ULK4: variants seen among roughly 807,000 people sequenced by gnomAD.
ULK4 encodes the protein unc-51 like kinase 4.
In ULK4, 133 loss-of-function variants were observed where a neutral mutation model predicts 160.6. That is an observed-to-expected ratio of 0.83 (90% CI 0.72 to 0.96). The LOEUF is 0.96. Among genes scored for constraint, ULK4 ranks in the 40% least tolerant of loss-of-function variants. The probability of loss-of-function intolerance (pLI) is 0.00; values close to 1 mark genes in which losing one functional copy is unlikely to be tolerated. For missense variants in ULK4, 1,580 were observed against 1,499.5 expected (o/e 1.05, Z -0.89); for synonymous variants, 534 against 539.8 (o/e 0.99, Z 0.15).
chr3:41,705,297 AAT>A lies in ULK4; in HGVS notation c.2641_2642del (p.Ile881Ter), dbSNP rs766870589. 2 of 1,609,194 alleles carry A rather than the reference AAT, an allele frequency of 1.2e-6. No homozygotes were observed. The highest frequency in any genetic ancestry group is 1.1e-5 in the South Asian group (1 of 89,268). On this transcript the variant is annotated frameshift_variant, in exon 26 of 37. Transcript: ENST00000301831. LOFTEE classifies it high-confidence loss of function. ...TCGTTTCTCCTGAGTCTACAGATTT[AAT>A]ATGACTCTGAAAAAAAATAAATTTT... is the stretch of plus-strand genomic sequence containing the variant. ...LFSYGTILSH[I>X]KSVDSGETNI...
At chr3:41,366,456 A>G (rs1489389405) in intron 35 of ULK4, among the ~76,000 whole-genome samples, 1 of 152,088 alleles carries the variant, frequency 6.6e-6, no homozygotes, top group Non-Finnish European at 1.5e-5. Flanking sequence ...ATACAATTAT[A>G]TTTATTTGAT....
intron 32 of ULK4, among the ~76,000 whole-genome samples, chr3:41,464,906 A>T (rs569572742): frequency 6.6e-6 from 1 of 152,202 alleles, no homozygotes. Context: ...AACTTCATTC[A>T]GTCTTCAAGG....
At chr3:41,381,414 C>T (rs1357577969) in intron 35 of ULK4, among the ~76,000 whole-genome samples, 1 of 152,166 alleles carries the variant, frequency 6.6e-6, no homozygotes, top group Non-Finnish European at 1.5e-5. Context: ...CAACTGCTAG[C>T]TTGCCATTTC....
At chr3:41,274,783 T>C (rs1000358800) in intron 35 of ULK4, among the ~76,000 whole-genome samples, 1 of 152,224 alleles carries the variant, frequency 6.6e-6, no homozygotes, top group South Asian at 2.1e-4. Flanking sequence ...GTGTTCCAAT[T>C]TGATATTGCT....
chr3:41,698,039 T>C (rs1354846917), intron 27 of ULK4, among the ~76,000 whole-genome samples: 2 of 152,202 alleles, frequency 1.3e-5, no homozygotes, highest in African/African-American at 4.8e-5. Flanking sequence ...ACCTACAATA[T>C]TCAGTGCAGT....
At chr3:41,804,055 T>A (rs6793567) in intron 19 of ULK4, among the ~76,000 whole-genome samples, 18,461 of 151,372 alleles carry the variant, frequency 0.12, 1,304 homozygotes, top group Middle Eastern at 0.26. Context: ...GCTCAGGAAT[T>A]GCCACACTGA....
At chr3:41,690,126 T>C (rs9883251) in intron 27 of ULK4, among the ~76,000 whole-genome samples, 7,373 of 145,680 alleles carry the variant, frequency 0.051, 322 homozygotes, top group African/African-American at 0.12. Context: ...AAATGATGAG[T>C]TCATGTCCTT....
At chr3:41,851,000 T>C (rs1460898559) in intron 17 of ULK4, among the ~76,000 whole-genome samples, 1 of 152,190 alleles carries the variant, frequency 6.6e-6, no homozygotes, top group African/African-American at 2.4e-5. Flanking sequence ...GTTTTCTAGA[T>C]ATACAATCAT....
intron 29 of ULK4, among the ~76,000 whole-genome samples, chr3:41,665,331 G>T (rs527939793): frequency 3.9e-5 from 6 of 152,174 alleles, no homozygotes; most frequent in Non-Finnish European, 5.9e-5. Flanking sequence ...AGTAGGACTT[G>T]AAAGCATAAG....
intron 35 of ULK4, among the ~76,000 whole-genome samples, chr3:41,289,100 A>G (rs1342986471): frequency 1.3e-5 from 2 of 152,096 alleles, no homozygotes; most frequent in Non-Finnish European, 2.9e-5. Flanking sequence ...TTCTTTTTCT[A>G]TTAGAGCTGT....
intron 34 of ULK4, among the ~76,000 whole-genome samples, chr3:41,429,611 C>T (rs2082857330): frequency 6.6e-6 from 1 of 152,074 alleles, no homozygotes; most frequent in Non-Finnish European, 1.5e-5. Flanking sequence ...GAGCTGGAAG[C>T]CATTATCCTC....
At chr3:41,333,353 A>G (rs2080486961) in intron 35 of ULK4, among the ~76,000 whole-genome samples, 1 of 152,212 alleles carries the variant, frequency 6.6e-6, no homozygotes, top group Non-Finnish European at 1.5e-5. Context: ...TGTGATTGGG[A>G]TACCTTTTAC....
intron 21 of ULK4, among the ~76,000 whole-genome samples, chr3:41,772,794 T>C (rs1037983699): frequency 2.0e-5 from 3 of 152,206 alleles, no homozygotes; most frequent in Non-Finnish European, 4.4e-5. Context: ...CCAATATCCC[T>C]GATGAACACT....
chr3:41,530,561 G>T (rs770897122), intron 32 of ULK4, among the ~76,000 whole-genome samples: 15 of 152,086 alleles, frequency 9.9e-5, no homozygotes, highest in Non-Finnish European at 2.2e-4. Context: ...CTGACCCAAC[G>T]CTGGCAATTT....
At chr3:41,756,773 C>T (rs1423611798) in intron 21 of ULK4, among the ~76,000 whole-genome samples, 2 of 152,176 alleles carry the variant, frequency 1.3e-5, no homozygotes, top group African/African-American at 2.4e-5. Context: ...AATTAACAGA[C>T]TGATTACATA....
intron 18 of ULK4, among the ~76,000 whole-genome samples, chr3:41,834,637 C>A (rs1281424973): frequency 6.6e-6 from 1 of 152,184 alleles, no homozygotes; most frequent in South Asian, 2.1e-4. Flanking sequence ...TGTTTTATAA[C>A]AATCATGGTA....
chr3:41,802,978 A>T (rs762926729), intron 19 of ULK4, among the ~76,000 whole-genome samples: 3 of 152,156 alleles, frequency 2.0e-5, no homozygotes, highest in Non-Finnish European at 1.5e-5. Flanking sequence ...CAGCCTGTCC[A>T]ATATGGTGAA....
intron 35 of ULK4, among the ~76,000 whole-genome samples, chr3:41,285,724 C>T (rs563011225): frequency 3.3e-5 from 5 of 152,108 alleles, no homozygotes; most frequent in Non-Finnish European, 7.4e-5. Context: ...ACCTGTACCC[C>T]AATAACCTAT....
intron 35 of ULK4, among the ~76,000 whole-genome samples, chr3:41,387,990 A>G (rs1242044137): frequency 6.6e-6 from 1 of 152,226 alleles, no homozygotes; most frequent in South Asian, 2.1e-4. Context: ...AGTCACACCA[A>G]CAGTGTAAAA....
Sources: allele counts gnomAD v4.1 joint callset (sites outside exome capture counted in the v4.1 genomes callset), GRCh38; gene constraint gnomAD v4.1.1; transcripts MANE v1.5; gene names NCBI Gene and HGNC (gene_info 2026-07-23, HGNC 2026-07-21).